The following CACNB2 variants were observed in gnomAD, a reference collection of about 807,000 sequenced individuals.
CACNB2 encodes calcium voltage-gated channel auxiliary subunit beta 2, also known as voltage-dependent L-type calcium channel subunit beta-2.
Under a neutral mutation model 73.3 loss-of-function variants are expected in CACNB2, and 42 were observed. The observed-to-expected ratio is 0.57, with a 90% confidence interval of 0.45 to 0.74. The LOEUF (loss-of-function observed/expected upper bound fraction) is 0.74. Ranked by LOEUF, CACNB2 falls within the 30% of genes least tolerant of loss-of-function variation. CACNB2 has a pLI of 0.00. For synonymous variants in CACNB2, 348 were observed against 310.3 expected, an observed-to-expected ratio of 1.12 and a Z score of -1.28; for missense variants, 940 against 853.0, an observed-to-expected ratio of 1.10 and a Z score of -1.27.
At chr10:18,214,469 T>C (rs2035434323) in intron 2 of CACNB2, among the ~76,000 whole-genome samples, 1 of 70,488 alleles carries the variant, frequency 1.4e-5, no homozygotes, top group African/African-American at 3.3e-5. Context: ...TTACCAAAAA[T>C]ATAAAAAATT....
Position 18,242,112 on chromosome 10 carries a change from TG to T in CACNB2, c.213+91138del, listed in dbSNP as rs1455785868. On this transcript the variant is annotated intron_variant, in intron 2 of 13. Coordinates refer to ENST00000324631, the MANE Select transcript of CACNB2 (RefSeq NM_201596.3). ...ATGTGTGTGTATATATATGTATACA[TG>T]TGTGTGTGTGTGTATATATATATAT... 2.8e-5 allele frequency among the ~76,000 whole-genome samples: 4 copies of T among 144,980 alleles called. No individual in the cohort carries two copies. The South Asian group carries it at 6.4e-4, about 23-fold the overall frequency.
chr10:18,249,100 T>C (rs1261570705), intron 2 of CACNB2, among the ~76,000 whole-genome samples: 3 of 152,160 alleles, frequency 2.0e-5, no homozygotes, highest in East Asian at 3.9e-4. Context: ...CATCTCCTCA[T>C]TCTCGGTTAA....
intron 3 of CACNB2, among the ~76,000 whole-genome samples, chr10:18,461,268 C>T (rs951221130): frequency 3.3e-5 from 5 of 152,222 alleles, no homozygotes; most frequent in African/African-American, 9.6e-5. Context: ...ACAATTCTTT[C>T]GATCCCTATC....
intron 2 of CACNB2, among the ~76,000 whole-genome samples, chr10:18,162,400 A>T (rs2032532633): frequency 6.6e-6 from 1 of 151,998 alleles, no homozygotes; most frequent in African/African-American, 2.4e-5. Flanking sequence ...AAAATCGAGG[A>T]TCTGATGTCA....
chr10:18,289,272 T>C (rs2038944879), intron 2 of CACNB2, among the ~76,000 whole-genome samples: 2 of 144,858 alleles, frequency 1.4e-5, no homozygotes, highest in African/African-American at 5.3e-5. Flanking sequence ...GTTGTCTTCA[T>C]TTTTTTTTCT....
intron 2 of CACNB2, among the ~76,000 whole-genome samples, chr10:18,216,760 G>C (rs1375104144): frequency 6.6e-6 from 1 of 152,104 alleles, no homozygotes; most frequent in Non-Finnish European, 1.5e-5. Flanking sequence ...GTGAAATTCA[G>C]CTATTCCTTA....
Position 18,539,276 on chromosome 10 carries a change from C to G in CACNB2, c.1535C>G (p.Ser512Cys). 2 of 1,613,944 alleles carry G rather than the reference C, an allele frequency of 1.2e-6. No homozygotes were observed. The highest frequency in any genetic ancestry group is 1.7e-6 in the Non-Finnish European group (2 of 1,179,988). ...QRTDRSAPIR[S>C]ASQAEEEPSV... ...ACTGATCGCTCCGCTCCTATCCGTT[C>G]TGCTTCCCAAGCTGAAGAAGAACCT... The change falls in exon 14 of 14, where the codon TCT (serine) becomes TGT (cysteine). Residue 512 changes from serine (S) to cysteine (C), a missense_variant. Physicochemically the swap from Ser to Cys is moderately radical, Grantham distance 112 (BLOSUM62 -1). Coordinates refer to ENST00000324631, the MANE Select transcript of CACNB2 (RefSeq NM_201596.3).
chr10:18,410,018 G>A (rs2044528313), intron 3 of CACNB2, among the ~76,000 whole-genome samples: 1 of 152,066 alleles, frequency 6.6e-6, no homozygotes, highest in South Asian at 2.1e-4. Flanking sequence ...ATTCTGATAA[G>A]TCCAATGTCC....
chr10:18,473,854 T>C (rs1487010852), intron 3 of CACNB2, among the ~76,000 whole-genome samples: 4 of 152,220 alleles, frequency 2.6e-5, no homozygotes, highest in Non-Finnish European at 5.9e-5. Context: ...AGGGTTTTTC[T>C]TGTATCAGAA....
At chr10:18,216,007 G>A (rs1366898325) in intron 2 of CACNB2, among the ~76,000 whole-genome samples, 1 of 151,986 alleles carries the variant, frequency 6.6e-6, no homozygotes, top group Non-Finnish European at 1.5e-5. Context: ...TTTAAAGTAA[G>A]TCTTGAGGCC....
intron 2 of CACNB2, among the ~76,000 whole-genome samples, chr10:18,220,232 T>TAGAGAGAGAGAGAGAGAGAGAGAGAG (rs1169176468): frequency 4.0e-5 from 1 of 25,084 alleles, no homozygotes; most frequent in African/African-American, 2.4e-4. Flanking sequence ...TATATATATA[T>TAGAGAGAGAGAGAGAGAGAGAGAGAG]AGAGAGAGAG....
Position 18,539,801 on chromosome 10 carries a change from T to C in CACNB2, c.*77T>C. ...AACAGCATCCCCAAAACAAAGTCTT[T>C]GGGGTCTACACTGCAATCATATGTG... is the stretch of plus-strand genomic sequence containing the variant. On this transcript the variant is annotated 3_prime_UTR_variant, in exon 14 of 14. Transcript: ENST00000324631. 6.9e-7 allele frequency: 1 copy of C among 1,453,036 alleles called. No homozygotes were observed. The highest frequency in any genetic ancestry group is 9.5e-7 in the Non-Finnish European group (1 of 1,058,188). 90.0% of individuals were successfully genotyped at this position (1,453,036 alleles called of 1,614,324 possible).
chr10:18,297,413 C>T (rs1016860366), intron 2 of CACNB2, among the ~76,000 whole-genome samples: 5 of 151,868 alleles, frequency 3.3e-5, no homozygotes, highest in Admixed American at 6.6e-5. Flanking sequence ...TTTTAATAGC[C>T]GGGTGTGGTG....
At chr10:18,161,484 T>A (rs538911436) in intron 2 of CACNB2, among the ~76,000 whole-genome samples, 1 of 152,172 alleles carries the variant, frequency 6.6e-6, no homozygotes, top group Admixed American at 6.5e-5. Context: ...AAAGCACATC[T>A]CTGAGCCAGG....
chr10:18,357,013 C>T (rs2041948696), intron 2 of CACNB2, among the ~76,000 whole-genome samples: 1 of 140,154 alleles, frequency 7.1e-6, no homozygotes, highest in Admixed American at 7.7e-5. Context: ...GGCGCGATCT[C>T]GACTCACTGC....
intron 3 of CACNB2, among the ~76,000 whole-genome samples, chr10:18,408,380 A>G (rs539141279): frequency 1.1e-3 from 170 of 151,988 alleles, no homozygotes; most frequent in Non-Finnish European, 1.5e-3. Flanking sequence ...CTGGGACTAC[A>G]GGTGTGCACC....
chr10:18,194,408 G>T (rs555561407), intron 2 of CACNB2, among the ~76,000 whole-genome samples: 208 of 152,258 alleles, frequency 1.4e-3, no homozygotes, highest in Admixed American at 4.4e-3. Flanking sequence ...GTAGGCTATA[G>T]CTCAGTTTGT....
intron 2 of CACNB2, among the ~76,000 whole-genome samples, chr10:18,228,338 G>C (rs930883428): frequency 2.1e-5 from 3 of 144,608 alleles, no homozygotes; most frequent in African/African-American, 7.7e-5. Context: ...GCTGAGGCAG[G>C]AGAACAATCG....
chr10:18,175,656 G>A (rs2033544028), intron 2 of CACNB2, among the ~76,000 whole-genome samples: 1 of 152,138 alleles, frequency 6.6e-6, no homozygotes, highest in Non-Finnish European at 1.5e-5. Context: ...GGAGAGCAAT[G>A]GTGCAATCTC....
Sources: gnomAD v4.1 joint callset for allele counts (sites outside exome capture counted in the v4.1 genomes callset) on GRCh38, gnomAD v4.1.1 for gene constraint, MANE v1.5 for transcripts, NCBI Gene and HGNC (gene_info 2026-07-23, HGNC 2026-07-21) for gene names.